Variants in RXRA observed in about 807,000 individuals in gnomAD.
The protein encoded by RXRA is retinoic acid receptor RXR-alpha.
Under a neutral mutation model 44.5 loss-of-function variants are expected in RXRA, and 5 were observed. That is an observed-to-expected ratio of 0.11 (90% confidence interval 0.06 to 0.24). The LOEUF is 0.24. Ranked by LOEUF, RXRA falls within the 10% of genes least tolerant of loss-of-function variation. The probability of loss-of-function intolerance (pLI) is 1.00; values close to 1 mark genes in which losing one functional copy is unlikely to be tolerated. For synonymous variants in RXRA, 291 were observed against 271.4 expected (o/e 1.07, Z -0.71); for missense variants, 412 against 646.5 (o/e 0.64, Z 3.93).
intron 5 of RXRA, among the ~76,000 whole-genome samples, chr9:134,419,949 C>T (rs1831301966): frequency 6.6e-6 from 1 of 152,206 alleles, no homozygotes; most frequent in Non-Finnish European, 1.5e-5. Context: ...AGGCACATGA[C>T]AGATGGTGAC....
intron 6 of RXRA, chr9:134,424,616 C>A (rs1202783247): frequency 2.0e-6 from 2 of 985,470 alleles, no homozygotes; most frequent in African/African-American, 3.5e-5. Flanking sequence ...GCCAGCAGCT[C>A]ACCCATCAGG....
In RXRA at chr9:134,343,451, C is replaced by T. The variant is rs1280786386; in HGVS notation, c.28+16792C>T. On this transcript the variant is annotated intron_variant, in intron 1 of 9. Transcript: ENST00000481739. This position sits in a 1 kb window ranked among gnomAD's most constrained non-coding sequence, Gnocchi z 4.1. ...TGCAGCCCCTGGAATAGGGGGCGCT[C>T]AGTGTAGGGCAAAGGAACGTGAGGA... 6.6e-6 allele frequency among the ~76,000 whole-genome samples: 1 copy of T among 152,026 alleles called. No individual in the cohort carries two copies. The highest frequency in any genetic ancestry group is 1.5e-5 in the Non-Finnish European group (1 of 68,004).
Position 134,343,503 on chromosome 9 carries a change from A to G in RXRA, c.28+16844A>G, listed in dbSNP as rs1830111038. The stretch of plus-strand genomic sequence containing the variant: ...GGCATGAGTGTTGTATCTCATGGGA[A>G]GAAGCATTTTTTTGGGAGGAGTGGT... On this transcript the variant is annotated intron_variant, in intron 1 of 9. Coordinates refer to ENST00000481739, the MANE Select transcript of RXRA (RefSeq NM_002957.6). The surrounding 1 kb of genome is among the most constrained non-coding windows in gnomAD (Gnocchi z 4.1). Among the ~76,000 whole-genome samples, 1 of 152,102 alleles carries G rather than the reference A, an allele frequency of 6.6e-6. No individual in the cohort carries two copies. Among genetic ancestry groups the G allele is most frequent in the Admixed American group, 6.5e-5 (1 of 15,272 alleles).
intron 1 of RXRA, among the ~76,000 whole-genome samples, chr9:134,381,382 T>G (rs1324740423): frequency 6.6e-6 from 1 of 152,086 alleles, no homozygotes; most frequent in East Asian, 1.9e-4. Flanking sequence ...TGAGAGGGGC[T>G]CTCTCAGGGC....
intron 6 of RXRA, chr9:134,422,478 C>T (rs1404325134): frequency 1.5e-5 from 18 of 1,215,192 alleles, no homozygotes; most frequent in Admixed American, 2.5e-5. Flanking sequence ...TCCCTGCTAC[C>T]GGGACACTCC....
chr9:134,343,105 G>T lies in RXRA; in HGVS notation c.28+16446G>T, dbSNP rs1288774768. On this transcript the variant is annotated intron_variant, in intron 1 of 9. Transcript: ENST00000481739. The surrounding 1 kb of genome is among the most constrained non-coding windows in gnomAD (Gnocchi z 4.1). ...TTTGGCCTTGGGAGGTGGGGAGGGG[G>T]TTCCTGCCCTGGAGCCAGGGAAGCT... Among the ~76,000 whole-genome samples, 2 of 152,152 alleles carry T rather than the reference G, an allele frequency of 1.3e-5. No individual in the cohort carries two copies. Among genetic ancestry groups the T allele is most frequent in the Non-Finnish European group, 2.9e-5 (2 of 68,004 alleles).
At chr9:134,427,023 C>T (rs957981732) in intron 6 of RXRA, 31 of 982,142 alleles carry the variant, frequency 3.2e-5, no homozygotes, top group Middle Eastern at 5.2e-4. Context: ...GGAGTGGGCC[C>T]GGGGCTCCTG....
rs112294516 is a variant in RXRA at position 134,407,670 on chromosome 9, T to TGG, written c.280-473_280-472dup. The stretch of plus-strand genomic sequence containing the variant: ...TGTTGTGGGGTGTATGTGTGGTTCT[T>TGG]GGGGGGGTCCCCAGCCCTCCTCCGT... On this transcript the variant is annotated intron_variant, in intron 2 of 9. Coordinates refer to ENST00000481739, the MANE Select transcript of RXRA (RefSeq NM_002957.6). The surrounding 1 kb of genome is among the most constrained non-coding windows in gnomAD (Gnocchi z 4.8). Among the ~76,000 whole-genome samples, 2 of 151,726 alleles carry TGG rather than the reference T, an allele frequency of 1.3e-5. No individual in the cohort carries two copies. Among genetic ancestry groups the TGG allele is most frequent in the African/African-American group, 4.8e-5 (2 of 41,268 alleles).
intron 1 of RXRA, among the ~76,000 whole-genome samples, chr9:134,370,881 G>A (rs1830483315): frequency 6.6e-6 from 1 of 152,256 alleles, no homozygotes; most frequent in Non-Finnish European, 1.5e-5. Context: ...GGCTGGCCCG[G>A]CGGGTGGCTG....
Position 134,366,406 on chromosome 9 carries a change from C to CG in RXRA, c.29-35222dup. On this transcript the variant is annotated intron_variant, in intron 1 of 9. Coordinates refer to ENST00000481739, the MANE Select transcript of RXRA (RefSeq NM_002957.6). This position sits in a 1 kb window ranked among gnomAD's most constrained non-coding sequence, Gnocchi z 5.9. Reference sequence around the variant, plus strand: ...ACGGTTCCCAGCTTCCTCTGCAGGGCGGGGCTGCTCCAGTCTCTTACACCA... The same window carrying CG: ...ACGGTTCCCAGCTTCCTCTGCAGGGCGGGGGCTGCTCCAGTCTCTTACACCA... Among the ~76,000 whole-genome samples the CG allele has an allele frequency of 6.6e-6, 1 of 152,254 alleles. No individual in the cohort carries two copies. Among genetic ancestry groups the CG allele is most frequent in the East Asian group, 1.9e-4 (1 of 5,180 alleles).
At chr9:134,434,466 GTAGA>G (rs1250361604) in intron 9 of RXRA, among the ~76,000 whole-genome samples, 2 of 152,152 alleles carry the variant, frequency 1.3e-5, no homozygotes, top group African/African-American at 4.8e-5. Context: ...TCTTTGTTCA[GTAGA>G]TAGATGAAGG....
chr9:134,388,354 G>A (rs2119116507), intron 1 of RXRA, among the ~76,000 whole-genome samples: 1 of 152,112 alleles, frequency 6.6e-6, no homozygotes, highest in East Asian at 1.9e-4. Context: ...GGCATCTGGT[G>A]CTGGGTCAGG....
At chr9:134,357,115 CTG>C (rs1256178994) in intron 1 of RXRA, among the ~76,000 whole-genome samples, 1 of 150,070 alleles carries the variant, frequency 6.7e-6, no homozygotes, top group Non-Finnish European at 1.5e-5. Context: ...ATCTCCTTAT[CTG>C]TGTCTCCGCA....
chr9:134,390,243 C>G (rs1303568442), intron 1 of RXRA, among the ~76,000 whole-genome samples: 1 of 152,282 alleles, frequency 6.6e-6, no homozygotes, highest in South Asian at 2.1e-4. Flanking sequence ...GGCCCGGGTG[C>G]CCCTAGAAGT....
At chr9:134,356,433 C>T (rs779240073) in intron 1 of RXRA, among the ~76,000 whole-genome samples, 8 of 151,900 alleles carry the variant, frequency 5.3e-5, no homozygotes, top group South Asian at 2.1e-4. Flanking sequence ...GCATGCTGGC[C>T]GGGCCGGGGA....
intron 1 of RXRA, among the ~76,000 whole-genome samples, chr9:134,398,540 G>A (rs1447415530): frequency 2.0e-5 from 3 of 152,190 alleles, no homozygotes; most frequent in Admixed American, 2.0e-4. Context: ...GACGGAGTCT[G>A]TGTAAACAGG....
intron 5 of RXRA, among the ~76,000 whole-genome samples, chr9:134,418,607 G>A (rs35977182): frequency 0.016 from 2,493 of 152,276 alleles, 72 homozygotes; most frequent in African/African-American, 0.056. Context: ...CTCTTCCCCA[G>A]GCTTTGGTCT....
At chr9:134,379,598 G>A in intron 1 of RXRA, 1 of 985,430 alleles carries the variant, frequency 1.0e-6, no homozygotes, top group Non-Finnish European at 1.2e-6. Flanking sequence ...ATGCTCCTGT[G>A]CTCCCTGACA....
rs547181377 is a variant in RXRA at position 134,384,879 on chromosome 9, G to A, written c.29-16753G>A. On this transcript the variant is annotated intron_variant, in intron 1 of 9. Coordinates refer to ENST00000481739, the MANE Select transcript of RXRA (RefSeq NM_002957.6). ...TGGCCTCCAGTCCTGAGCACCGCCTGCAGAAGGGTTTTCAGACGGGTGTGA... is the reference window on the plus strand; with the variant it reads ...TGGCCTCCAGTCCTGAGCACCGCCTACAGAAGGGTTTTCAGACGGGTGTGA... 1.5e-4 allele frequency among the ~76,000 whole-genome samples: 23 copies of A among 152,324 alleles called. No homozygotes were observed. In the East Asian group the frequency reaches 4.1e-3, roughly 27 times the overall value.
Sources: gnomAD v4.1 joint callset for allele counts (sites outside exome capture counted in the v4.1 genomes callset) on GRCh38, gnomAD v4.1.1 for gene constraint, Gnocchi (gnomAD v3.1) non-coding constraint, MANE v1.5 for transcripts, NCBI Gene and HGNC (gene_info 2026-07-23, HGNC 2026-07-21) for gene names.